Variants in ANK2 observed in about 807,000 individuals in gnomAD.
ANK2 encodes the protein ankyrin 2.
ANK2 carries 83 observed loss-of-function variants against 360.5 expected under a neutral mutation model. The observed-to-expected ratio is 0.23, with a 90% CI of 0.19 to 0.28. The LOEUF is 0.28. ANK2 is among the 10% of genes least tolerant of loss of function. ANK2 has a pLI of 1.00. For missense variants in ANK2, 4,201 were observed against 4,795.7 expected (o/e 0.88, Z 3.66); for synonymous variants, 1,740 against 1,759.5 (o/e 0.99, Z 0.28).
chr4:112,848,745 T>C (rs896888194), intron 1 of ANK2, among the ~76,000 whole-genome samples: 13 of 152,318 alleles, frequency 8.5e-5, no homozygotes, highest in African/African-American at 2.6e-4. Flanking sequence ...CCTTTGATCC[T>C]TAGTGCCTAG....
intron 1 of ANK2, among the ~76,000 whole-genome samples, chr4:113,102,232 A>G (rs1279855113): frequency 6.6e-6 from 1 of 152,004 alleles, no homozygotes; most frequent in Non-Finnish European, 1.5e-5. Flanking sequence ...TGGAAGATAT[A>G]TTTTGGTGGA....
chr4:112,879,007 T>A (rs1322841051), intron 1 of ANK2, among the ~76,000 whole-genome samples: 6 of 152,110 alleles, frequency 3.9e-5, no homozygotes, highest in Non-Finnish European at 7.3e-5. Flanking sequence ...TTCTAACCAA[T>A]GTAAGGAGCT....
At chr4:113,216,971 A>G (rs997119556) in intron 4 of ANK2, 17 of 152,080 alleles carry the variant, frequency 1.1e-4, no homozygotes, top group African/African-American at 4.1e-4. Flanking sequence ...AGGGTACATC[A>G]CACTCTACAA....
In ANK2 at chr4:113,288,440, T is replaced by C. The variant is rs2065840969; in HGVS notation, c.2231T>C (p.Val744Ala). ...VACHYGNVKM[V>A]NFLLKQGANV... ...TGTCACTATGGAAATGTGAAAATGG[T>C]CAACTTTCTTCTGAAGCAGGGAGCA... Residue 744 changes from valine (V) to alanine (A), a missense_variant, in exon 20 of 46, where the codon GTC (valine) becomes GCC (alanine). Physicochemically the swap from Val to Ala is moderately conservative, Grantham distance 64. Transcript: ENST00000357077. 2 of 1,613,878 alleles carry C rather than the reference T, an allele frequency of 1.2e-6. No homozygotes were observed. The highest frequency in any genetic ancestry group is 8.5e-7 in the Non-Finnish European group (1 of 1,179,948).
chr4:113,333,672 C>T (rs796928396), intron 29 of ANK2, among the ~76,000 whole-genome samples: 2 of 152,094 alleles, frequency 1.3e-5, no homozygotes, highest in South Asian at 4.1e-4. Context: ...TTACATCTAC[C>T]CATAATTAGT....
At chr4:113,103,975 A>G (rs2154361353) in intron 1 of ANK2, among the ~76,000 whole-genome samples, 1 of 152,300 alleles carries the variant, frequency 6.6e-6, no homozygotes, top group East Asian at 1.9e-4. Flanking sequence ...CTGAAGACAG[A>G]CAAAATCCTG....
chr4:113,120,915 A>C (rs1347124936), intron 1 of ANK2, among the ~76,000 whole-genome samples: 2 of 152,206 alleles, frequency 1.3e-5, no homozygotes, highest in African/African-American at 4.8e-5. Flanking sequence ...TTTCAAATAA[A>C]TCAATATGTT....
chr4:112,905,009 C>T (rs940547775), intron 2 of ANK2, among the ~76,000 whole-genome samples: 2 of 152,094 alleles, frequency 1.3e-5, no homozygotes, highest in Non-Finnish European at 2.9e-5. Context: ...CCAGATTCTA[C>T]ATTTAAATCA....
rs147684363 is a variant in ANK2, at chr4:113,264,751, T to C, written c.1387-146T>C. ...AAAAAAAAAAAGATACAAATCTATATTTTCCAGACTAAATAATTATGCCTT... is the reference window on the plus strand; with the variant it reads ...AAAAAAAAAAAGATACAAATCTATACTTTCCAGACTAAATAATTATGCCTT... On this transcript the variant is annotated intron_variant, in intron 13 of 45. Transcript: ENST00000357077. The C allele has an allele frequency of 1.4e-4, 113 of 781,566 alleles. No homozygotes were observed. The East Asian group carries it at 2.7e-3, about 19-fold the overall frequency. 48.4% of individuals were successfully genotyped at this position (781,566 alleles called of 1,614,324 possible). A position where few individuals can be genotyped will look rare whatever the true frequency, so the allele number is the denominator to read the frequency against.
intron 2 of ANK2, among the ~76,000 whole-genome samples, chr4:112,962,236 G>C (rs1040569814): frequency 6.6e-6 from 1 of 151,984 alleles, no homozygotes; most frequent in Non-Finnish European, 1.5e-5. Context: ...TATTGTTCCC[G>C]TGTCTATGTC....
At chr4:112,709,518 G>T in the ANK2 span, among the ~76,000 whole-genome samples, 5 of 152,174 alleles carry the variant, frequency 3.3e-5, no homozygotes, top group African/African-American at 1.2e-4. Flanking sequence ...GGAGGCCGAG[G>T]TGGGAGTATC....
At chr4:113,155,983 G>A (rs1476557169) in intron 1 of ANK2, among the ~76,000 whole-genome samples, 1 of 152,190 alleles carries the variant, frequency 6.6e-6, no homozygotes, top group African/African-American at 2.4e-5. Flanking sequence ...CATTTGTAAT[G>A]TCTTTTCAGT....
intron 7 of ANK2, among the ~76,000 whole-genome samples, 168 bp from the exon 8 acceptor site, chr4:113,240,317 T>A (rs2039079598): frequency 6.6e-6 from 1 of 152,190 alleles, no homozygotes; most frequent in Non-Finnish European, 1.5e-5. Flanking sequence ...TTTTTATATG[T>A]TTAGTTATGT....
chr4:113,121,400 C>G (rs17045629), intron 1 of ANK2, among the ~76,000 whole-genome samples: 29,605 of 152,050 alleles, frequency 0.19, 3,632 homozygotes, highest in East Asian at 0.5. Flanking sequence ...GCTTCAATTT[C>G]TTCACTTCTA....
At chr4:113,272,842 G>T (rs575927423) in intron 14 of ANK2, among the ~76,000 whole-genome samples, 1 of 152,226 alleles carries the variant, frequency 6.6e-6, no homozygotes, top group Admixed American at 6.5e-5. Flanking sequence ...AATTTTGCAG[G>T]ACAGAGATCT....
chr4:112,933,796 G>A (rs1015421805), intron 2 of ANK2, among the ~76,000 whole-genome samples: 1 of 152,108 alleles, frequency 6.6e-6, no homozygotes, highest in Non-Finnish European at 1.5e-5. Context: ...CACTGTGCCC[G>A]GCAGAGATGG....
At chr4:112,861,150 G>A (rs2067886301) in intron 1 of ANK2, among the ~76,000 whole-genome samples, 2 of 152,162 alleles carry the variant, frequency 1.3e-5, no homozygotes, top group South Asian at 2.1e-4. Flanking sequence ...GTCTTGAACC[G>A]AAATTGCTTT....
chr4:112,952,860 A>G (rs2095114166), intron 2 of ANK2, among the ~76,000 whole-genome samples: 1 of 152,130 alleles, frequency 6.6e-6, no homozygotes, highest in African/African-American at 2.4e-5. Flanking sequence ...TATTATTTTC[A>G]TCTTACAGGT....
chr4:113,252,980 T>C (rs2047281872), intron 10 of ANK2, among the ~76,000 whole-genome samples: 1 of 152,228 alleles, frequency 6.6e-6, no homozygotes, highest in African/African-American at 2.4e-5. Context: ...CTATATTTTC[T>C]TCAAACTTAT....
Sources: allele counts gnomAD v4.1 joint callset (sites outside exome capture counted in the v4.1 genomes callset), GRCh38; gene constraint gnomAD v4.1.1; transcripts MANE v1.5; gene names NCBI Gene and HGNC (gene_info 2026-07-23, HGNC 2026-07-21).